The following CEP128 variants were observed in gnomAD, a reference collection of about 807,000 sequenced individuals.
CEP128 encodes centrosomal protein 128, also known as centrosomal protein 128kDa.
A neutral mutation model predicts 156.7 loss-of-function variants in CEP128; 132 were observed. The observed-to-expected ratio is 0.84, with a 90% CI of 0.73 to 0.97. The LOEUF is 0.97. Among genes scored for constraint, CEP128 ranks in the 50% least tolerant of loss-of-function variants. CEP128 has a pLI of 0.00. For synonymous variants in CEP128, 469 were observed against 448.9 expected (o/e 1.04, Z -0.57); for missense variants, 1,252 against 1,281.9 (o/e 0.98, Z 0.36).
At chr14:80,763,960 C>T (rs1048968277) in intron 16 of CEP128, among the ~76,000 whole-genome samples, 4 of 152,186 alleles carry the variant, frequency 2.6e-5, no homozygotes, top group South Asian at 4.1e-4. Flanking sequence ...CAGAGACTAC[C>T]GATGTATTAG....
chr14:80,807,081 C>A (rs1884221831), intron 13 of CEP128, among the ~76,000 whole-genome samples: 1 of 150,674 alleles, frequency 6.6e-6, no homozygotes, highest in South Asian at 2.1e-4. Context: ...ATATAATAAT[C>A]TTTTTTTTTA....
At chr14:80,642,591 GA>G (rs1894464239) in intron 19 of CEP128, among the ~76,000 whole-genome samples, 2 of 152,124 alleles carry the variant, frequency 1.3e-5, no homozygotes, top group Admixed American at 1.3e-4. Flanking sequence ...GCTGAGGCAA[GA>G]GGACTGCTTG....
At chr14:80,680,081 C>T (rs1237003078) in intron 19 of CEP128, among the ~76,000 whole-genome samples, 1 of 152,142 alleles carries the variant, frequency 6.6e-6, no homozygotes, top group Non-Finnish European at 1.5e-5. Flanking sequence ...TGCTCTGGAG[C>T]TAGGTGGGAG....
intron 1 of CEP128, among the ~76,000 whole-genome samples, chr14:80,939,937 C>G (rs1886055332): frequency 6.6e-6 from 1 of 152,182 alleles, no homozygotes; most frequent in African/African-American, 2.4e-5. Flanking sequence ...GTCTAACACT[C>G]CTAAAGGAAA....
At chr14:80,955,777 C>T in intron 2 of CEP128, 2 of 1,614,196 alleles carry the variant, frequency 1.2e-6, no homozygotes, top group Non-Finnish European at 1.7e-6. Context: ...CGAGTGCCAT[C>T]AGGAGGAGGA....
At chr14:80,896,468 G>A (rs766498168) in intron 7 of CEP128, among the ~76,000 whole-genome samples, 8 of 152,014 alleles carry the variant, frequency 5.3e-5, no homozygotes, top group East Asian at 1.9e-4. Context: ...AGACATTTTC[G>A]ATGGACTGTT....
At chr14:80,737,100 A>G (rs563714923) in intron 19 of CEP128, among the ~76,000 whole-genome samples, 1 of 152,232 alleles carries the variant, frequency 6.6e-6, no homozygotes, top group Non-Finnish European at 1.5e-5. Flanking sequence ...ATTCTTTCTC[A>G]ATTGGTTGTT....
intron 23 of CEP128, among the ~76,000 whole-genome samples, chr14:80,521,679 A>T (rs1417640133): frequency 6.6e-6 from 1 of 152,232 alleles, no homozygotes; most frequent in East Asian, 1.9e-4. Context: ...CTGGAAAAAT[A>T]GCAATTAAAT....
intron 8 of CEP128, among the ~76,000 whole-genome samples, chr14:80,869,694 T>A (rs921298568): frequency 1.3e-5 from 2 of 151,944 alleles, no homozygotes; most frequent in African/African-American, 4.8e-5. Context: ...GGTTCAGGGG[T>A]ACATGGGCAG....
intron 19 of CEP128, among the ~76,000 whole-genome samples, chr14:80,711,241 GA>G (rs1897391143): frequency 6.7e-6 from 1 of 149,324 alleles, no homozygotes; most frequent in African/African-American, 2.5e-5. Flanking sequence ...TCCCAATGAA[GA>G]AAAAAACCAC....
chr14:80,664,515 TTA>T (rs1895533322), intron 19 of CEP128, among the ~76,000 whole-genome samples: 1 of 152,092 alleles, frequency 6.6e-6, no homozygotes, highest in Admixed American at 6.6e-5. Context: ...ACTGTATTAA[TTA>T]TTGACCACAT....
chr14:80,761,625 A>G lies in CEP128; in HGVS notation c.2377-12T>C, dbSNP rs758978018. On this transcript the variant is annotated splice_polypyrimidine_tract_variant and intron_variant, in intron 16 of 24. Coordinates refer to ENST00000555265, the MANE Select transcript of CEP128 (RefSeq NM_152446.5). The stretch of plus-strand genomic sequence containing the variant: ...CTTATATGTTTTTCCTAAGGCATTG[A>G]AAGAAATTAAACAAGGTGATTACTA... The G allele has an allele frequency of 4.5e-6, 7 of 1,569,758 alleles. No homozygotes were observed. The East Asian group carries it at 1.1e-4, about 25-fold the overall frequency.
intron 19 of CEP128, among the ~76,000 whole-genome samples, chr14:80,672,913 G>A (rs1330386633): frequency 6.6e-6 from 1 of 152,090 alleles, no homozygotes; most frequent in Non-Finnish European, 1.5e-5. Flanking sequence ...AATTGTCAAT[G>A]ACAATTTAAT....
At chr14:80,917,372 G>C (rs1884620223) in intron 2 of CEP128, among the ~76,000 whole-genome samples, 1 of 152,136 alleles carries the variant, frequency 6.6e-6, no homozygotes, top group South Asian at 2.1e-4. Flanking sequence ...AAACTCAACT[G>C]ATAAAAAGTG....
In CEP128 at chr14:80,916,468, C is replaced by G; in HGVS notation, c.80G>C (p.Arg27Thr). Reference protein sequence around the residue: ...LSPWAARSTHRGTRSLPTVEV... With the variant: ...LSPWAARSTHTGTRSLPTVEV... ...TACTGTAGGAAGACTTCGAGTTCCC[C>G]TGTGCGTTGATCTGGCAGCCCATGG... The change falls in exon 3 of 25, where the codon AGG becomes ACG. Residue 27 changes from arginine to threonine, a missense_variant. Arg to Thr is a moderately conservative substitution (Grantham distance 71, BLOSUM62 -1). Transcript: ENST00000555265. 1.9e-6 allele frequency: 3 copies of G among 1,614,064 alleles called. No homozygotes were observed. Among genetic ancestry groups the G allele is most frequent in the African/African-American group, 2.7e-5 (2 of 75,032 alleles).
intron 23 of CEP128, among the ~76,000 whole-genome samples, chr14:80,514,151 G>T (rs1697931742): frequency 6.6e-6 from 1 of 152,110 alleles, no homozygotes; most frequent in South Asian, 2.1e-4. Flanking sequence ...CTATAGCCTG[G>T]AAGCCCCTGC....
At chr14:80,505,116 A>G (rs903744367) in intron 23 of CEP128, 96 bp from the exon 24 acceptor site, 1 of 457,640 alleles carries the variant, frequency 2.2e-6, no homozygotes, top group Non-Finnish European at 4.0e-6. Flanking sequence ...CTTAATATAC[A>G]AGCTATGTTG....
intron 20 of CEP128, among the ~76,000 whole-genome samples, chr14:80,577,166 A>C (rs1303162497): frequency 6.6e-6 from 1 of 151,974 alleles, no homozygotes; most frequent in East Asian, 1.9e-4. Context: ...CTGTTGTTTA[A>C]ATGTTGGTGT....
intron 19 of CEP128, among the ~76,000 whole-genome samples, chr14:80,614,518 T>C (rs1595091237): frequency 6.6e-6 from 1 of 152,296 alleles, no homozygotes; most frequent in African/African-American, 2.4e-5. Context: ...CTTTTCATTT[T>C]AACATCTAGG....
Sources: gnomAD v4.1 joint callset for allele counts (sites outside exome capture counted in the v4.1 genomes callset) on GRCh38, gnomAD v4.1.1 for gene constraint, MANE v1.5 for transcripts, NCBI Gene and HGNC (gene_info 2026-07-23, HGNC 2026-07-21) for gene names.